Variants in CEP78 observed in about 807,000 individuals in gnomAD.
CEP78 encodes the protein centrosomal protein of 78 kDa.
Under a neutral mutation model 81.2 loss-of-function variants are expected in CEP78, and 76 were observed. That is an observed-to-expected ratio of 0.94 (90% CI 0.78 to 1.13). The LOEUF is 1.13. CEP78 is among the 50% of genes most tolerant of loss of function. The pLI is 0.00. For synonymous variants in CEP78, 293 were observed against 301.4 expected, an observed-to-expected ratio of 0.97 and a Z score of 0.29; for missense variants, 918 against 846.8, an observed-to-expected ratio of 1.08 and a Z score of -1.04.
At chr9:78,264,767 C>G (rs1827439159) in intron 13 of CEP78, among the ~76,000 whole-genome samples, 1 of 150,538 alleles carries the variant, frequency 6.6e-6, no homozygotes, top group Admixed American at 6.6e-5. Flanking sequence ...AGGAATTTTT[C>G]TTTTATTCAC....
chr9:78,243,848 A>G (rs1176836113), intron 5 of CEP78, among the ~76,000 whole-genome samples: 9 of 151,850 alleles, frequency 5.9e-5, no homozygotes, highest in Admixed American at 4.6e-4. Context: ...TATAATCTCA[A>G]TGCCTAGAGA....
rs551622651 is a variant in CEP78 at position 78,270,792 on chromosome 9, T to A, written c.2108-49T>A. On this transcript the variant is annotated intron_variant, in intron 16 of 16. Coordinates refer to ENST00000643273, the MANE Select transcript of CEP78 (RefSeq NM_001330691.3). ...TGAAAAATTCTGATTATAAACTACA[T>A]GCTGGAACATTAACATGGATGACTG... 1.1e-5 allele frequency: 7 copies of A among 662,888 alleles called. No individual in the cohort carries two copies. In the African/African-American group the frequency reaches 1.1e-4, roughly 11 times the overall value. The allele number at this position is 662,888 out of a possible 1,614,324, so 41.1% of individuals were successfully genotyped here.
chr9:78,245,595 G>A (rs184766422), intron 5 of CEP78, among the ~76,000 whole-genome samples: 2 of 152,308 alleles, frequency 1.3e-5, no homozygotes, highest in African/African-American at 4.8e-5. Flanking sequence ...TTATTTTAAT[G>A]TAATGGTATA....
In CEP78 at chr9:78,236,615, C is replaced by T. The variant is rs1348081730; in HGVS notation, c.253+12C>T. 1.1e-5 allele frequency: 17 copies of T among 1,521,018 alleles called. No homozygotes were observed. The highest frequency in any genetic ancestry group is 1.5e-5 in the Non-Finnish European group (17 of 1,136,108). 94.2% of individuals were successfully genotyped at this position (1,521,018 alleles called of 1,614,324 possible). The stretch of plus-strand genomic sequence containing the variant: ...GCTGGGGGACACAGGTTTGTAGTTC[C>T]CGCCTCCAGGGCCCCTCAGTCGGTG... On this transcript the variant is annotated intron_variant, in intron 1 of 16. Transcript: ENST00000643273.
In CEP78 at chr9:78,265,554, A is replaced by G. The variant is rs915437861; in HGVS notation, c.1797+11A>G. 3.8e-5 allele frequency: 59 copies of G among 1,550,958 alleles called. No homozygotes were observed. The highest frequency in any genetic ancestry group is 4.8e-5 in the Non-Finnish European group (55 of 1,148,616). On this transcript the variant is annotated intron_variant, in intron 14 of 16. Transcript: ENST00000643273. The stretch of plus-strand genomic sequence containing the variant: ...ATGCAAAATATCCAGGTAAATGAAT[A>G]GAACAGAACTTAGTGATTCTACAAG...
At chr9:78,260,662 A>C (rs1827232895) in intron 11 of CEP78, among the ~76,000 whole-genome samples, 1 of 149,934 alleles carries the variant, frequency 6.7e-6, no homozygotes, top group Admixed American at 6.7e-5. Context: ...AGCCGAGATC[A>C]GGCCACTGTA....
In CEP78 at chr9:78,276,738, T is replaced by C. The variant is rs1827812537; in HGVS notation, c.*5887T>C. The C allele has an allele frequency of 6.6e-6, 1 of 151,908 alleles. No homozygotes were observed. The highest frequency in any genetic ancestry group is 2.1e-4 in the South Asian group (1 of 4,818). 9.4% of individuals were successfully genotyped at this position (151,908 alleles called of 1,614,324 possible). A position where few individuals can be genotyped will look rare whatever the true frequency, so the allele number is the denominator to read the frequency against. On this transcript the variant is annotated 3_prime_UTR_variant, in exon 17 of 17. Coordinates refer to ENST00000643273, the MANE Select transcript of CEP78 (RefSeq NM_001330691.3). ...AAGAGAAATGTAAGGCCTATATAAA[T>C]AAAAGGATAAATCTATGCTAGAGGG...
At chr9:78,252,162 T>A in intron 9 of CEP78, 119 bp downstream of exon 9, 5 of 836,230 alleles carry the variant, frequency 6.0e-6, no homozygotes, top group Non-Finnish European at 8.8e-6. Context: ...ATGACTCATG[T>A]GGCTTCTGCC....
At position 78,278,601 on chromosome 9, in the gene CEP78, G is replaced by T. The variant is rs544895382; in HGVS notation, c.*7750G>T. ...AGTATGTTTCACAATCCACTAATGG[G>T]TAATGTCCTACTGTTTGGAAACACT... On this transcript the variant is annotated 3_prime_UTR_variant, in exon 17 of 17. Transcript: ENST00000643273. 3 of 152,260 alleles carry T rather than the reference G, an allele frequency of 2.0e-5. No homozygotes were observed. In the South Asian group the frequency reaches 6.2e-4, roughly 32 times the overall value. The allele number at this position is 152,260 out of a possible 1,614,324, so 9.4% of individuals were successfully genotyped here.
At position 78,277,205 on chromosome 9, in the gene CEP78, A is replaced by G. The variant is rs984043433; in HGVS notation, c.*6354A>G. The G allele has an allele frequency of 6.6e-6, 1 of 152,186 alleles. No homozygotes were observed. The highest frequency in any genetic ancestry group is 1.5e-5 in the Non-Finnish European group (1 of 68,018). 9.4% of individuals were successfully genotyped at this position (152,186 alleles called of 1,614,324 possible). A position where few individuals can be genotyped will look rare whatever the true frequency, so the allele number is the denominator to read the frequency against. ...GGAAATTAAAAATAACTAGAAGAAA[A>G]TACTGGAAAAAAATTGTAATAAATG... On this transcript the variant is annotated 3_prime_UTR_variant, in exon 17 of 17. Transcript: ENST00000643273.
At position 78,264,150 on chromosome 9, in the gene CEP78, C is replaced by A; in HGVS notation, c.1459C>A (p.Leu487Met). 5 of 1,443,880 alleles carry A rather than the reference C, an allele frequency of 3.5e-6. No homozygotes were observed. The highest frequency in any genetic ancestry group is 3.1e-5 in the South Asian group (2 of 63,534). 89.4% of individuals were successfully genotyped at this position (1,443,880 alleles called of 1,614,324 possible). A position where few individuals can be genotyped will look rare whatever the true frequency, so the allele number is the denominator to read the frequency against. The change falls in exon 13 of 17, where the codon CTG becomes ATG. Residue 487 changes from leucine (L) to methionine (M), a missense_variant and splice_region_variant. Coordinates refer to ENST00000643273, the MANE Select transcript of CEP78 (RefSeq NM_001330691.3). ...RLKVDKRVSE[L>M]EHENAQLRNI... ...ACACATTTTCAATCTTCTTTTATAG[C>A]TGGAACATGAAAATGCCCAGTTAAG... is the stretch of plus-strand genomic sequence containing the variant.
At chr9:78,242,935 A>G (rs763989627) in intron 4 of CEP78, among the ~76,000 whole-genome samples, 18 of 152,192 alleles carry the variant, frequency 1.2e-4, no homozygotes, top group Non-Finnish European at 2.5e-4. Context: ...AGAAAATATT[A>G]ACCTCTATAT....
At position 78,244,922 on chromosome 9, in the gene CEP78, G is replaced by A. The variant is rs193197653; in HGVS notation, c.778+1286G>A. 1.8e-3 allele frequency among the ~76,000 whole-genome samples: 281 copies of A among 152,128 alleles called. 2 individuals are homozygous for A. Among genetic ancestry groups the A allele is most frequent in the African/African-American group, 6.3e-3 (261 of 41,526 alleles). On this transcript the variant is annotated intron_variant, in intron 5 of 16. Coordinates refer to ENST00000643273, the MANE Select transcript of CEP78 (RefSeq NM_001330691.3). Reference sequence around the variant, plus strand: ...TTAACAGAGTCTGCACATTTTAAAGGTTTTTTTAAAATGTGACCTTCGCCA... The same window carrying A: ...TTAACAGAGTCTGCACATTTTAAAGATTTTTTTAAAATGTGACCTTCGCCA...
At chr9:78,260,947 G>T (rs914635225) in intron 11 of CEP78, among the ~76,000 whole-genome samples, 9 of 151,452 alleles carry the variant, frequency 5.9e-5, no homozygotes, top group Non-Finnish European at 7.4e-5. Context: ...GAGAATACTT[G>T]TTTTTGTTTG....
intron 5 of CEP78, among the ~76,000 whole-genome samples, chr9:78,245,400 C>CT (rs983516240): frequency 6.6e-6 from 1 of 151,870 alleles, no homozygotes; most frequent in Admixed American, 6.6e-5. Context: ...ACTCTAGTCT[C>CT]TTTTTTTTCT....
At chr9:78,270,534 G>T (rs894844958) in intron 16 of CEP78, among the ~76,000 whole-genome samples, 1 of 152,028 alleles carries the variant, frequency 6.6e-6, no homozygotes, top group Non-Finnish European at 1.5e-5. Context: ...ATGCAAACAG[G>T]ACCCTTTTCA....
At chr9:78,258,240 G>T (rs1458435097) in intron 11 of CEP78, among the ~76,000 whole-genome samples, 1 of 152,170 alleles carries the variant, frequency 6.6e-6, no homozygotes, top group African/African-American at 2.4e-5. Flanking sequence ...CTTAAATTTA[G>T]AGTTGGATCA....
At chr9:78,254,808 T>C (rs1563989140) in intron 10 of CEP78, 28 bp from the exon 11 acceptor site, 5 of 1,576,538 alleles carry the variant, frequency 3.2e-6, no homozygotes, top group Non-Finnish European at 4.3e-6. Context: ...GTTTATATTA[T>C]TATACAATCT....
intron 16 of CEP78, among the ~76,000 whole-genome samples, chr9:78,268,203 A>T (rs1362276867): frequency 1.3e-5 from 2 of 152,178 alleles, no homozygotes; most frequent in African/African-American, 4.8e-5. Context: ...CTTAAAAGTA[A>T]TGAGTTACAG....
Sources: gnomAD v4.1 joint callset for allele counts (sites outside exome capture counted in the v4.1 genomes callset) on GRCh38, gnomAD v4.1.1 for gene constraint, MANE v1.5 for transcripts, NCBI Gene and HGNC (gene_info 2026-07-23, HGNC 2026-07-21) for gene names.